The following AFF2 variants were observed in gnomAD, a reference collection of about 807,000 sequenced individuals.
AFF2 encodes the protein ALF transcription elongation factor 2.
AFF2 carries 14 observed loss-of-function variants against 76.9 expected under a neutral mutation model. The observed-to-expected ratio is 0.18, with a 90% CI of 0.12 to 0.28. The LOEUF is 0.28. Ranked by LOEUF, AFF2 falls within the 10% of genes least tolerant of loss-of-function variation. The pLI is 1.00. For synonymous variants in AFF2, 398 were observed against 366.7 expected, an observed-to-expected ratio of 1.09 and a Z score of -0.98; for missense variants, 868 against 1,001.1, an observed-to-expected ratio of 0.87 and a Z score of 1.79.
intron 3 of AFF2, among the ~76,000 whole-genome samples, chrX:148,763,220 A>G (rs1299332013): frequency 8.9e-6 from 1 of 112,339 alleles, no homozygotes; most frequent in Non-Finnish European, 1.9e-5. Flanking sequence ...GCACTGATAA[A>G]GTATTTAGTG....
intron 1 of AFF2, among the ~76,000 whole-genome samples, chrX:148,621,531 GT>G (rs1483732326): frequency 9.0e-6 from 1 of 111,142 alleles, no homozygotes; most frequent in Non-Finnish European, 1.9e-5. Flanking sequence ...CAGTAAGTCT[GT>G]TTTTCACTCA....
At chrX:148,883,308 C>T (rs1442364684) in intron 7 of AFF2, among the ~76,000 whole-genome samples, 1 of 111,803 alleles carries the variant, frequency 8.9e-6, no homozygotes, top group Non-Finnish European at 1.9e-5. Context: ...GAAACTTCTG[C>T]TTCTGATTAC....
chrX:148,663,047 A>G (rs1026448491), intron 3 of AFF2, among the ~76,000 whole-genome samples: 2 of 112,455 alleles, frequency 1.8e-5, no homozygotes, highest in African/African-American at 6.5e-5. Context: ...TTCATAAAAT[A>G]CAGTTGTGGT....
intron 3 of AFF2, among the ~76,000 whole-genome samples, chrX:148,757,092 C>T (rs192995275): frequency 1.3e-3 from 149 of 112,614 alleles, no homozygotes; most frequent in African/African-American, 4.7e-3. Context: ...CAAGGTATAA[C>T]ATAGTACTGG....
At chrX:148,888,433 G>T (rs1048547997) in intron 8 of AFF2, among the ~76,000 whole-genome samples, 1 of 111,629 alleles carries the variant, frequency 9.0e-6, no homozygotes, top group Non-Finnish European at 1.9e-5. Context: ...GGACATTTTG[G>T]TTGTTTCCAA....
At chrX:148,792,573 TATTAATC>T (rs1557270031) in intron 3 of AFF2, among the ~76,000 whole-genome samples, 1 of 113,103 alleles carries the variant, frequency 8.8e-6, no homozygotes, top group African/African-American at 3.2e-5. Context: ...CTCAGTATAC[TATTAATC>T]ATTCAGTTGG....
At chrX:148,651,508 T>C (rs928652272) in intron 1 of AFF2, among the ~76,000 whole-genome samples, 2 of 112,066 alleles carry the variant, frequency 1.8e-5, no homozygotes, top group Admixed American at 1.9e-4. Flanking sequence ...TAAATTCTCC[T>C]GTGAGTTCAT....
chrX:148,645,461 G>A (rs1249135066), intron 1 of AFF2, among the ~76,000 whole-genome samples: 1 of 112,357 alleles, frequency 8.9e-6, no homozygotes, highest in Non-Finnish European at 1.9e-5. Context: ...GAATCTGGAT[G>A]CCATCTTTTT....
At chrX:148,628,228 C>T (rs1404298191) in intron 1 of AFF2, among the ~76,000 whole-genome samples, 1 of 110,899 alleles carries the variant, frequency 9.0e-6, no homozygotes, top group Non-Finnish European at 1.9e-5. Flanking sequence ...CTGAATTGGA[C>T]ACTTAAAAAT....
At chrX:148,594,080 A>G (rs1236954054) in intron 1 of AFF2, among the ~76,000 whole-genome samples, 1 of 111,056 alleles carries the variant, frequency 9.0e-6, no homozygotes, top group African/African-American at 3.3e-5. Context: ...GGTAGGAGTA[A>G]AAAGAATAGG....
chrX:148,616,723 C>T (rs1376944132), intron 1 of AFF2, among the ~76,000 whole-genome samples: 2 of 109,297 alleles, frequency 1.8e-5, no homozygotes, highest in African/African-American at 3.3e-5. Flanking sequence ...TCCCTCCCCC[C>T]TTCCCCCACC....
intron 1 of AFF2, among the ~76,000 whole-genome samples, chrX:148,535,159 A>G (rs2052770147): frequency 8.9e-6 from 1 of 111,791 alleles, no homozygotes; most frequent in Non-Finnish European, 1.9e-5. Context: ...TTGGCGAATA[A>G]TAGTCACTCA....
intron 19 of AFF2, among the ~76,000 whole-genome samples, chrX:148,985,169 G>A (rs1411089390): frequency 9.2e-6 from 1 of 108,163 alleles, no homozygotes; most frequent in Admixed American, 1.0e-4. Flanking sequence ...ATTTTTAGTA[G>A]AGACGGGGTT....
chrX:148,676,827 A>T (rs972886833), intron 3 of AFF2, among the ~76,000 whole-genome samples: 15 of 111,485 alleles, frequency 1.3e-4, no homozygotes, highest in African/African-American at 4.9e-4. Context: ...GGAGAGAAAA[A>T]GAAAGATTGG....
chrX:148,746,493 G>T (rs1270684368), intron 3 of AFF2, among the ~76,000 whole-genome samples: 2 of 112,249 alleles, frequency 1.8e-5, no homozygotes, highest in Non-Finnish European at 3.8e-5. Context: ...CAGAATGTTG[G>T]TTTTTCTAAA....
At chrX:148,966,489 C>T (rs2072174331) in intron 13 of AFF2, among the ~76,000 whole-genome samples, 1 of 109,656 alleles carries the variant, frequency 9.1e-6, no homozygotes, top group Admixed American at 9.7e-5. Flanking sequence ...TTCCCTTTCC[C>T]CTCACATTTA....
intron 3 of AFF2, among the ~76,000 whole-genome samples, chrX:148,707,669 C>A (rs1157161627): frequency 9.1e-6 from 1 of 110,442 alleles, no homozygotes; most frequent in Non-Finnish European, 1.9e-5. Flanking sequence ...CAAACTGAGT[C>A]TCCAAGGGAT....
intron 19 of AFF2, among the ~76,000 whole-genome samples, chrX:148,986,996 T>C (rs1281514698): frequency 9.0e-6 from 1 of 111,046 alleles, no homozygotes; most frequent in Non-Finnish European, 1.9e-5. Flanking sequence ...GTGGAGACTT[T>C]GGTGTTTAAT....
intron 1 of AFF2, among the ~76,000 whole-genome samples, chrX:148,581,020 C>CATGTGTAT (rs1464280348): frequency 5.3e-5 from 2 of 37,696 alleles, no homozygotes; most frequent in Non-Finnish European, 1.1e-4. Context: ...TACACACAAA[C>CATGTGTAT]ATATGTGTAT....
Sources: gnomAD v4.1 joint callset for allele counts (sites outside exome capture counted in the v4.1 genomes callset) on GRCh38, gnomAD v4.1.1 for gene constraint, MANE v1.5 for transcripts, NCBI Gene and HGNC (gene_info 2026-07-23, HGNC 2026-07-21) for gene names.